The following C7orf78 variants were observed in gnomAD, a reference collection of about 807,000 sequenced individuals.
The protein encoded by C7orf78 is chromosome 7 open reading frame 78.
the C7orf78 span, chr7:12,531,200 C>T: frequency 2.5e-6 from 1 of 394,570 alleles, no homozygotes; most frequent in East Asian, 3.6e-5. Context: ...AAGTGCTCTA[C>T]TGTCATAGGA....
chr7:12,522,799 A>T, the C7orf78 span, among the ~76,000 whole-genome samples: 13 of 152,288 alleles, frequency 8.5e-5, no homozygotes, highest in East Asian at 2.3e-3. Context: ...GGTGCTGAAT[A>T]AATATTTGCA....
chr7:12,514,650 GT>G, the C7orf78 span, among the ~76,000 whole-genome samples: 1 of 151,894 alleles, frequency 6.6e-6, no homozygotes, highest in African/African-American at 2.4e-5. Flanking sequence ...TGCCCATAGG[GT>G]CTTGTAGTTT....
chr7:12,499,734 T>C, the C7orf78 span, among the ~76,000 whole-genome samples: 2 of 151,514 alleles, frequency 1.3e-5, no homozygotes, highest in Non-Finnish European at 3.0e-5. Flanking sequence ...GTGGACCTAA[T>C]AGACATCTAC....
At chr7:12,486,681 G>T in the C7orf78 span, among the ~76,000 whole-genome samples, 2 of 151,892 alleles carry the variant, frequency 1.3e-5, no homozygotes, top group East Asian at 3.9e-4. Flanking sequence ...AACATTGTGG[G>T]CTCTGGATAG....
At chr7:12,525,785 T>C in the C7orf78 span, 1 of 396,168 alleles carries the variant, frequency 2.5e-6, no homozygotes, top group Non-Finnish European at 4.5e-6. Context: ...ACAATATGTA[T>C]TAATAATATT....
At chr7:12,488,670 CA>C in the C7orf78 span, among the ~76,000 whole-genome samples, 28 of 141,870 alleles carry the variant, frequency 2.0e-4, no homozygotes, top group East Asian at 6.1e-4. Flanking sequence ...AACAGCTCAG[CA>C]AAAAAAAAAT....
the C7orf78 span, among the ~76,000 whole-genome samples, chr7:12,521,844 A>G: frequency 4.6e-5 from 7 of 151,770 alleles, no homozygotes; most frequent in African/African-American, 1.7e-4. Flanking sequence ...CTATAACTCC[A>G]ATTTTTCTAG....
At chr7:12,486,948 C>A in the C7orf78 span, 7 of 47,574 alleles carry the variant, frequency 1.5e-4, no homozygotes, top group Non-Finnish European at 2.4e-4. Context: ...AATTTATACA[C>A]CTCCTTTTTT....
At chr7:12,526,343 C>T in the C7orf78 span, among the ~76,000 whole-genome samples, 6 of 152,036 alleles carry the variant, frequency 3.9e-5, no homozygotes, top group African/African-American at 1.4e-4. Context: ...TTAAAAAACA[C>T]ATGGAAATAA....
At chr7:12,537,596 C>G in the C7orf78 span, among the ~76,000 whole-genome samples, 1 of 152,048 alleles carries the variant, frequency 6.6e-6, no homozygotes, top group Non-Finnish European at 1.5e-5. Context: ...TACATATAAC[C>G]TATGACACAA....
the C7orf78 span, chr7:12,523,422 G>A: frequency 3.5e-5 from 14 of 397,932 alleles, no homozygotes; most frequent in African/African-American, 6.2e-5. Context: ...CATGACTTTC[G>A]ACAGGTAAAA....
At chr7:12,490,573 G>A in the C7orf78 span, among the ~76,000 whole-genome samples, 5 of 152,122 alleles carry the variant, frequency 3.3e-5, no homozygotes, top group Admixed American at 3.3e-4. Flanking sequence ...TATGGGGAGG[G>A]GAAATTTTAT....
the C7orf78 span, chr7:12,538,396 T>C: frequency 2.0e-5 from 3 of 152,148 alleles, no homozygotes; most frequent in Non-Finnish European, 4.4e-5. Flanking sequence ...TGGTCTGCCT[T>C]TTATCTCCAA....
the C7orf78 span, among the ~76,000 whole-genome samples, chr7:12,520,690 A>G: frequency 0.084 from 12,754 of 152,252 alleles, 794 homozygotes; most frequent in African/African-American, 0.18. Context: ...TGAGAAGAAC[A>G]TACATTGTTA....
chr7:12,534,025 T>G, the C7orf78 span, among the ~76,000 whole-genome samples: 1 of 152,220 alleles, frequency 6.6e-6, no homozygotes, highest in Non-Finnish European at 1.5e-5. Flanking sequence ...TTTTTTCATT[T>G]TTTACAAATA....
chr7:12,508,432 A>T, the C7orf78 span, among the ~76,000 whole-genome samples: 2 of 152,204 alleles, frequency 1.3e-5, no homozygotes, highest in African/African-American at 2.4e-5. Flanking sequence ...TATGTGGTAA[A>T]TATGAGAAAA....
chr7:12,489,194 TAGTC>T, the C7orf78 span, among the ~76,000 whole-genome samples: 1 of 152,066 alleles, frequency 6.6e-6, no homozygotes, highest in African/African-American at 2.4e-5. Flanking sequence ...ATTACCCCAA[TAGTC>T]AGTATACATT....
chr7:12,488,155 G>C, the C7orf78 span, among the ~76,000 whole-genome samples: 5 of 152,010 alleles, frequency 3.3e-5, no homozygotes, highest in Non-Finnish European at 5.9e-5. Flanking sequence ...GCCCCTGATA[G>C]ATATTATGTT....
At chr7:12,513,271 G>C in the C7orf78 span, among the ~76,000 whole-genome samples, 1 of 145,666 alleles carries the variant, frequency 6.9e-6, no homozygotes, top group Non-Finnish European at 1.5e-5. Context: ...TTTGGGTTTG[G>C]TTTCTTGTTG....
Sources: allele counts gnomAD v4.1 joint callset (sites outside exome capture counted in the v4.1 genomes callset), GRCh38; gene constraint gnomAD v4.1.1; transcripts MANE v1.5; gene names NCBI Gene and HGNC (gene_info 2026-07-23, HGNC 2026-07-21).